PLCG1: variants seen among roughly 807,000 people sequenced by gnomAD.
PLCG1 encodes the protein 1-phosphatidylinositol 4,5-bisphosphate phosphodiesterase gamma-1.
In PLCG1, 71 loss-of-function variants were observed where a neutral mutation model predicts 177.8. The observed-to-expected ratio is 0.40, with a 90% CI of 0.33 to 0.49. PLCG1 has a LOEUF of 0.49. PLCG1 is among the 20% of genes least tolerant of loss of function. PLCG1 has a pLI of 0.72. For missense variants in PLCG1, 1,281 were observed against 1,709.0 expected (o/e 0.75, Z 4.42); for synonymous variants, 658 against 647.9 (o/e 1.02, Z -0.24).
chr20:41,163,391 T>C lies in PLCG1; in HGVS notation c.803T>C (p.Val268Ala). ...CTACCCCATCAGGAGCTGTGGGCTGTTGATCGCCTCCAGGTGCAGGAGTTC... is the reference window on the plus strand; with the variant it reads ...CTACCCCATCAGGAGCTGTGGGCTGCTGATCGCCTCCAGGTGCAGGAGTTC... ...LLDYQGELWA[V>A]DRLQVQEFML... The change falls in exon 9 of 32, where the codon GTT becomes GCT. Residue 268 changes from valine (V) to alanine (A), a missense_variant. By Grantham distance (64) the Val-to-Ala change is moderately conservative (BLOSUM62 0). Coordinates refer to ENST00000685551, the MANE Select transcript of PLCG1 (RefSeq NM_002660.3). The surrounding 1 kb of genome is among the most constrained non-coding windows in gnomAD (Gnocchi z 5.2). 6.2e-7 allele frequency: 1 copy of C among 1,612,984 alleles called. No individual in the cohort carries two copies. Among genetic ancestry groups the C allele is most frequent in the African/African-American group, 1.3e-5 (1 of 74,970 alleles).
chr20:41,168,809 G>A lies in PLCG1; in HGVS notation c.2422G>A (p.Asp808Asn). 6.2e-7 allele frequency: 1 copy of A among 1,613,022 alleles called. No individual in the cohort carries two copies. Among genetic ancestry groups the A allele is most frequent in the Non-Finnish European group, 8.5e-7 (1 of 1,179,566 alleles). The change falls in exon 21 of 32, where the codon GAC becomes AAC. Residue 808 changes from aspartate to asparagine, a missense_variant. By Grantham distance (23) the Asp-to-Asn change is conservative. Transcript: ENST00000685551. The part of the protein sequence containing the change: ...ALFDYKAQRE[D>N]ELTFIKSAII... ...CTTTGACTACAAGGCCCAGAGGGAG[G>A]ACGAGCTGACCTTCATCAAGAGCGC... is the stretch of plus-strand genomic sequence containing the variant.
Position 41,147,618 on chromosome 20 carries a change from A to G in PLCG1, c.217+9760A>G, listed in dbSNP as rs913924956. ...GTAATCCCAGCACTTTGGGAGGCCAAGGTAGGGGGATCACGAGGTCAGGAG... is the reference window on the plus strand; with the variant it reads ...GTAATCCCAGCACTTTGGGAGGCCAGGGTAGGGGGATCACGAGGTCAGGAG... On this transcript the variant is annotated intron_variant, in intron 1 of 31. Transcript: ENST00000685551. The surrounding 1 kb of genome is among the most constrained non-coding windows in gnomAD (Gnocchi z 4.0). Among the ~76,000 whole-genome samples the G allele has an allele frequency of 3.3e-5, 5 of 152,164 alleles. No homozygotes were observed. Among genetic ancestry groups the G allele is most frequent in the African/African-American group, 1.2e-4 (5 of 41,440 alleles).
At chr20:41,171,895 C>A (rs189088208) in intron 24 of PLCG1, among the ~76,000 whole-genome samples, 1 of 152,202 alleles carries the variant, frequency 6.6e-6, no homozygotes, top group Admixed American at 6.5e-5. Flanking sequence ...ATTCCAGGAT[C>A]CCTGGAAGGT....
At position 41,166,017 on chromosome 20, in the gene PLCG1, G is replaced by A. The variant is rs1394977149; in HGVS notation, c.1800-177G>A. Among the ~76,000 whole-genome samples, 1 of 133,914 alleles carries A rather than the reference G, an allele frequency of 7.5e-6. No individual in the cohort carries two copies. Among genetic ancestry groups the A allele is most frequent in the African/African-American group, 2.9e-5 (1 of 34,968 alleles). 87.9% of individuals were successfully genotyped at this position (133,914 alleles called of 152,430 possible). ...CCCCCCCCCATACCCCTCCCTTTTCGGTTCATTTGAAGCCCACACCTTTGG... is the reference window on the plus strand; with the variant it reads ...CCCCCCCCCATACCCCTCCCTTTTCAGTTCATTTGAAGCCCACACCTTTGG... On this transcript the variant is annotated intron_variant, in intron 16 of 31. Transcript: ENST00000685551. This position sits in a 1 kb window ranked among gnomAD's most constrained non-coding sequence, Gnocchi z 8.6.
rs2035621938 is a variant in PLCG1 at position 41,164,669 on chromosome 20, A to G, written c.1218-264A>G. ...CTCTCTCCTGGCCTCTTTGGTGTGA[A>G]ACATTTTTCTTGCACTGCTGAGCAG... On this transcript the variant is annotated intron_variant, in intron 12 of 31. Coordinates refer to ENST00000685551, the MANE Select transcript of PLCG1 (RefSeq NM_002660.3). The surrounding 1 kb of genome is among the most constrained non-coding windows in gnomAD (Gnocchi z 6.4). Among the ~76,000 whole-genome samples, 1 of 152,120 alleles carries G rather than the reference A, an allele frequency of 6.6e-6. No individual in the cohort carries two copies.
rs2035709622 is a variant in PLCG1 at position 41,166,788 on chromosome 20, C to G, written c.2230C>G (p.His744Asp). The G allele has an allele frequency of 6.2e-7, 1 of 1,614,056 alleles. No homozygotes were observed. Among genetic ancestry groups the G allele is most frequent in the Non-Finnish European group, 8.5e-7 (1 of 1,180,020 alleles). ...LVDLISYYEK[H>D]PLYRKMKLRY... ...TGACCTCATCAGCTACTATGAGAAACACCCGCTATACCGCAAGATGAAGCT... is the reference window on the plus strand; with the variant it reads ...TGACCTCATCAGCTACTATGAGAAAGACCCGCTATACCGCAAGATGAAGCT... The change falls in exon 19 of 32, where the codon CAC becomes GAC. Residue 744 changes from histidine (H) to aspartate (D), a missense_variant. His to Asp is a moderately conservative substitution (Grantham distance 81). Transcript: ENST00000685551. This position sits in a 1 kb window ranked among gnomAD's most constrained non-coding sequence, Gnocchi z 8.6.
At position 41,162,981 on chromosome 20, in the gene PLCG1, C is replaced by T. The variant is rs760960319; in HGVS notation, c.705C>T (p.Ala235=). 2 of 1,613,952 alleles carry T rather than the reference C, an allele frequency of 1.2e-6. No homozygotes were observed. The highest frequency in any genetic ancestry group is 1.7e-6 in the Non-Finnish European group (2 of 1,179,954). ...QKTMDLPFLE[A]STLRAGERPE... is the part of the protein sequence containing the mutation. Reference sequence around the variant, plus strand: ...AGATGGACCTCCCCTTCTTGGAAGCCAGTACTCTGAGGTTTGGTTTGGAGT... The same window carrying T: ...AGATGGACCTCCCCTTCTTGGAAGCTAGTACTCTGAGGTTTGGTTTGGAGT... Residue 235 remains alanine (A), a synonymous_variant, in exon 7 of 32, where the codon GCC becomes GCT. Coordinates refer to ENST00000685551, the MANE Select transcript of PLCG1 (RefSeq NM_002660.3).
At chr20:41,155,074 A>C (rs1325214155) in intron 1 of PLCG1, among the ~76,000 whole-genome samples, 1 of 152,162 alleles carries the variant, frequency 6.6e-6, no homozygotes, top group African/African-American at 2.4e-5. Context: ...CTGAGAAGGG[A>C]GGGGAGAAGA....
intron 5 of PLCG1, 35 bp downstream of exon 5, chr20:41,162,571 C>T (rs1249935828): frequency 6.2e-7 from 1 of 1,608,086 alleles, no homozygotes. Context: ...TAGATGGGGG[C>T]AGGGGAAGCC....
chr20:41,149,297 T>C (rs1001554432), intron 1 of PLCG1, among the ~76,000 whole-genome samples: 9 of 152,202 alleles, frequency 5.9e-5, no homozygotes. Flanking sequence ...AAGTATCTAG[T>C]TTAATGTCTC....
rs915141302 is a variant in PLCG1, at chr20:41,146,348, G to A, written c.217+8490G>A. Among the ~76,000 whole-genome samples the A allele has an allele frequency of 6.6e-6, 1 of 152,230 alleles. No homozygotes were observed. On this transcript the variant is annotated intron_variant, in intron 1 of 31. Coordinates refer to ENST00000685551, the MANE Select transcript of PLCG1 (RefSeq NM_002660.3). The surrounding 1 kb of genome is among the most constrained non-coding windows in gnomAD (Gnocchi z 6.3). ...CTAAAGTGCTGTAGGCTGGGCCTGA[G>A]GGCCAAGATGGAATCGCTTTTCTCC...
Position 41,159,429 on chromosome 20 carries a change from C to T in PLCG1, c.218-177C>T, listed in dbSNP as rs779583320. On this transcript the variant is annotated intron_variant, in intron 1 of 31. Coordinates refer to ENST00000685551, the MANE Select transcript of PLCG1 (RefSeq NM_002660.3). This position sits in a 1 kb window ranked among gnomAD's most constrained non-coding sequence, Gnocchi z 6.0. ...CATCTCAGCCCTTACTTAGCAAAGGCCTATCCCTAGACTCAACCCAGCCCT... is the reference window on the plus strand; with the variant it reads ...CATCTCAGCCCTTACTTAGCAAAGGTCTATCCCTAGACTCAACCCAGCCCT... Among the ~76,000 whole-genome samples, 3 of 152,210 alleles carry T rather than the reference C, an allele frequency of 2.0e-5. No homozygotes were observed. Among genetic ancestry groups the T allele is most frequent in the African/African-American group, 4.8e-5 (2 of 41,452 alleles).
Position 41,174,576 on chromosome 20 carries a change from C to A in PLCG1, c.*67C>A. 7.0e-7 allele frequency: 1 copy of A among 1,425,138 alleles called. No homozygotes were observed. Among genetic ancestry groups the A allele is most frequent in the Non-Finnish European group, 9.7e-7 (1 of 1,031,684 alleles). 88.3% of individuals were successfully genotyped at this position (1,425,138 alleles called of 1,614,324 possible). A position where few individuals can be genotyped will look rare whatever the true frequency, so the allele number is the denominator to read the frequency against. ...CTTGTAGAATGCCGCGAACTGGGTT[C>A]TTTGGAAGCAGCCCCCTGTGGCGGC... On this transcript the variant is annotated 3_prime_UTR_variant, in exon 32 of 32. Coordinates refer to ENST00000685551, the MANE Select transcript of PLCG1 (RefSeq NM_002660.3). The surrounding 1 kb of genome is among the most constrained non-coding windows in gnomAD (Gnocchi z 5.8).
intron 1 of PLCG1, among the ~76,000 whole-genome samples, chr20:41,145,670 A>G (rs2146003792): frequency 6.6e-6 from 1 of 152,238 alleles, no homozygotes; most frequent in South Asian, 2.1e-4. Flanking sequence ...ATGGGTGCCT[A>G]GAGACTTCTA....
In PLCG1 at chr20:41,146,471, G is replaced by A. The variant is rs2034998433; in HGVS notation, c.217+8613G>A. ...TGTACAAAGGCTGTGAGGGGCCTGG[G>A]CGCAAGGCAGCAAGGCTTGGGTACG... On this transcript the variant is annotated intron_variant, in intron 1 of 31. Coordinates refer to ENST00000685551, the MANE Select transcript of PLCG1 (RefSeq NM_002660.3). This position sits in a 1 kb window ranked among gnomAD's most constrained non-coding sequence, Gnocchi z 6.3. 1.3e-5 allele frequency among the ~76,000 whole-genome samples: 2 copies of A among 152,214 alleles called. No individual in the cohort carries two copies. The highest frequency in any genetic ancestry group is 2.4e-5 in the African/African-American group (1 of 41,454).
rs768185061 is a variant in PLCG1 at position 41,172,720 on chromosome 20, C to T, written c.3131-9C>T. 1.5e-5 allele frequency: 25 copies of T among 1,613,546 alleles called. No homozygotes were observed. In the South Asian group the frequency reaches 2.1e-4, roughly 13 times the overall value. ...TGGACTGGAATACACCATAATCTGC[C>T]TCTTCCAGACAAGCCTATGCAGATG... On this transcript the variant is annotated splice_polypyrimidine_tract_variant and intron_variant, in intron 26 of 31. Transcript: ENST00000685551. The surrounding 1 kb of genome is among the most constrained non-coding windows in gnomAD (Gnocchi z 7.0).
At chr20:41,142,193 G>A (rs1167109468) in intron 1 of PLCG1, among the ~76,000 whole-genome samples, 2 of 152,244 alleles carry the variant, frequency 1.3e-5, no homozygotes, top group Admixed American at 1.3e-4. Flanking sequence ...CATTAAAGGA[G>A]AGGTGACCTT....
At chr20:41,141,095 G>T (rs1376997521) in intron 1 of PLCG1, among the ~76,000 whole-genome samples, 1 of 152,160 alleles carries the variant, frequency 6.6e-6, no homozygotes, top group African/African-American at 2.4e-5. Context: ...TTTTCTTCTG[G>T]TGTTTTCTGA....
intron 1 of PLCG1, among the ~76,000 whole-genome samples, chr20:41,143,396 C>T (rs529298463): frequency 5.3e-5 from 8 of 152,242 alleles, no homozygotes; most frequent in African/African-American, 1.9e-4. Context: ...ACTGATTTTT[C>T]CCCCTTTCCA....
Sources: gnomAD v4.1 joint callset for allele counts (sites outside exome capture counted in the v4.1 genomes callset) on GRCh38, gnomAD v4.1.1 for gene constraint, Gnocchi (gnomAD v3.1) non-coding constraint, MANE v1.5 for transcripts, NCBI Gene and HGNC (gene_info 2026-07-23, HGNC 2026-07-21) for gene names.